The following CCDC175 variants were observed in gnomAD, a reference collection of about 807,000 sequenced individuals.
The protein encoded by CCDC175 is coiled-coil domain-containing protein 175.
CCDC175 carries 100 observed loss-of-function variants against 114.6 expected under a neutral mutation model. The observed-to-expected ratio is 0.87, with a 90% CI of 0.74 to 1.03. The LOEUF (loss-of-function observed/expected upper bound fraction) is 1.03, where lower values mean the gene tolerates loss of function less well. CCDC175 is among the 50% of genes least tolerant of loss of function. The probability of loss-of-function intolerance (pLI) is 0.00; values close to 1 mark genes in which losing one functional copy is unlikely to be tolerated. For synonymous variants in CCDC175, 306 were observed against 308.7 expected (o/e 0.99, Z 0.09); for missense variants, 880 against 917.8 (o/e 0.96, Z 0.53).
chr14:59,562,955 T>A (rs1280658985), intron 6 of CCDC175, among the ~76,000 whole-genome samples: 1 of 152,210 alleles, frequency 6.6e-6, no homozygotes, highest in Non-Finnish European at 1.5e-5. Flanking sequence ...TATATTGTAA[T>A]TAAAATGAGC....
At chr14:59,553,555 AC>A (rs1458844137) in intron 7 of CCDC175, among the ~76,000 whole-genome samples, 4 of 152,232 alleles carry the variant, frequency 2.6e-5, no homozygotes, top group Non-Finnish European at 4.4e-5. Context: ...AACTGCATCA[AC>A]TAACGAGCAA....
intron 17 of CCDC175, among the ~76,000 whole-genome samples, chr14:59,512,380 C>T (rs1009360389): frequency 1.9e-4 from 29 of 152,306 alleles, no homozygotes; most frequent in African/African-American, 6.0e-4. Context: ...ACCATCTTCC[C>T]GCCCCATAAG....
chr14:59,531,756 A>G lies in CCDC175; in HGVS notation c.1762+16T>C. ...TACCTGGGATTGAGTTTAATTACTA[A>G]ATGCTTCATATGTACCTGTAATAAT... On this transcript the variant is annotated intron_variant, in intron 14 of 19. Coordinates refer to ENST00000537690, the MANE Select transcript of CCDC175 (RefSeq NM_001164399.2). The G allele has an allele frequency of 1.4e-6, 2 of 1,455,116 alleles. No individual in the cohort carries two copies. Among genetic ancestry groups the G allele is most frequent in the African/African-American group, 2.9e-5 (2 of 69,534 alleles). 90.1% of individuals were successfully genotyped at this position (1,455,116 alleles called of 1,614,324 possible). A position where few individuals can be genotyped will look rare whatever the true frequency, so the allele number is the denominator to read the frequency against.
chr14:59,533,990 A>T lies in CCDC175; in HGVS notation c.1624-2080T>A, dbSNP rs1462246308. Reference sequence around the variant, plus strand: ...GGCAACAGGGTGAGACCCCTTTTAAAAAAAAAAAAAAAAAAAGAAACGCAA... The same window carrying T: ...GGCAACAGGGTGAGACCCCTTTTAATAAAAAAAAAAAAAAAAGAAACGCAA... On this transcript the variant is annotated intron_variant, in intron 13 of 19. Coordinates refer to ENST00000537690, the MANE Select transcript of CCDC175 (RefSeq NM_001164399.2). Among the ~76,000 whole-genome samples the T allele has an allele frequency of 3.8e-4, 22 of 58,426 alleles. 1 individual carries two copies. The South Asian group carries it at 0.011, about 29-fold the overall frequency. 38.3% of individuals were successfully genotyped at this position (58,426 alleles called of 152,430 possible).
intron 19 of CCDC175, among the ~76,000 whole-genome samples, chr14:59,506,610 C>T (rs973079584): frequency 3.3e-5 from 5 of 152,118 alleles, no homozygotes; most frequent in Non-Finnish European, 5.9e-5. Context: ...TTTTTAAAAT[C>T]TCCAGGTGAT....
rs78584090 is a variant in CCDC175, at chr14:59,536,257, C to T, written c.1623+1766G>A. On this transcript the variant is annotated intron_variant, in intron 13 of 19. Coordinates refer to ENST00000537690, the MANE Select transcript of CCDC175 (RefSeq NM_001164399.2). The stretch of plus-strand genomic sequence containing the variant: ...CTTCCTGCCTAGCATGCCCTCTGCC[C>T]GGAGCCATCTCCTGCAGACATCTGC... Among the ~76,000 whole-genome samples the T allele has an allele frequency of 3.2e-3, 486 of 152,112 alleles. 2 individuals carry two copies. The highest frequency in any genetic ancestry group is 0.024 in the Middle Eastern group (7 of 294).
In CCDC175 at chr14:59,554,738, AAG is replaced by A. The variant is rs534821433; in HGVS notation, c.954-3304_954-3303del. ...TGCTAGCAAGACTAATAAAGAAGAAAAGAGAGAAGAATCAAATAGACGCAAGA... is the reference window on the plus strand; with the variant it reads ...TGCTAGCAAGACTAATAAAGAAGAAAAGAGAAGAATCAAATAGACGCAAGA... On this transcript the variant is annotated intron_variant, in intron 7 of 19. Coordinates refer to ENST00000537690, the MANE Select transcript of CCDC175 (RefSeq NM_001164399.2). Among the ~76,000 whole-genome samples the A allele has an allele frequency of 9.1e-3, 1,391 of 152,312 alleles. 23 individuals carry two copies. The highest frequency in any genetic ancestry group is 0.031 in the African/African-American group (1,268 of 41,558).
intron 7 of CCDC175, among the ~76,000 whole-genome samples, chr14:59,559,308 C>T (rs2140099498): frequency 6.6e-6 from 1 of 152,254 alleles, no homozygotes. Context: ...TCTGTGTAAT[C>T]ACACTGGATA....
chr14:59,548,101 T>C (rs773038155), intron 8 of CCDC175, among the ~76,000 whole-genome samples: 8 of 152,140 alleles, frequency 5.3e-5, no homozygotes, highest in Non-Finnish European at 1.2e-4. Context: ...ACATGCACAA[T>C]TGAATATATT....
At position 59,533,987 on chromosome 14, in the gene CCDC175, TA is replaced by T. The variant is rs3084296; in HGVS notation, c.1624-2078del. On this transcript the variant is annotated intron_variant, in intron 13 of 19. Transcript: ENST00000537690. ...CTGGGCAACAGGGTGAGACCCCTTTTAAAAAAAAAAAAAAAAAAAGAAACGC... is the reference window on the plus strand; with the variant it reads ...CTGGGCAACAGGGTGAGACCCCTTTTAAAAAAAAAAAAAAAAAAGAAACGC... 2.6e-3 allele frequency among the ~76,000 whole-genome samples: 353 copies of T among 133,586 alleles called. 1 individual carries two copies. Among genetic ancestry groups the T allele is most frequent in the African/African-American group, 8.1e-3 (291 of 35,864 alleles). The allele number at this position is 133,586 out of a possible 152,430, so 87.6% of individuals were successfully genotyped here.
chr14:59,524,453 A>G (rs1893619495), intron 16 of CCDC175, among the ~76,000 whole-genome samples: 1 of 152,202 alleles, frequency 6.6e-6, no homozygotes, highest in Admixed American at 6.5e-5. Context: ...GTCACTTCAC[A>G]AAAAAAGGAT....
intron 8 of CCDC175, among the ~76,000 whole-genome samples, chr14:59,546,295 A>C (rs1378967996): frequency 1.3e-5 from 2 of 152,174 alleles, no homozygotes; most frequent in African/African-American, 2.4e-5. Flanking sequence ...GATGGGAACA[A>C]TAGACACTGG....
At chr14:59,547,726 G>A (rs1278423525) in intron 8 of CCDC175, among the ~76,000 whole-genome samples, 2 of 152,070 alleles carry the variant, frequency 1.3e-5, no homozygotes, top group African/African-American at 4.8e-5. Flanking sequence ...AATGTGAAAG[G>A]TCAAACAACA....
intron 17 of CCDC175, among the ~76,000 whole-genome samples, chr14:59,513,911 C>G (rs1219580547): frequency 6.6e-6 from 1 of 152,176 alleles, no homozygotes; most frequent in Non-Finnish European, 1.5e-5. Context: ...CTGGGAGGCA[C>G]CTCCTAGTAG....
At chr14:59,555,295 C>T (rs1364410743) in intron 7 of CCDC175, among the ~76,000 whole-genome samples, 1 of 152,164 alleles carries the variant, frequency 6.6e-6, no homozygotes, top group Non-Finnish European at 1.5e-5. Flanking sequence ...CCCTGGGATT[C>T]AAGGCTGGTT....
rs1200594499 is a variant in CCDC175 at position 59,521,693 on chromosome 14, T to G, written c.1996-17A>C. On this transcript the variant is annotated splice_polypyrimidine_tract_variant and intron_variant, in intron 16 of 19. Coordinates refer to ENST00000537690, the MANE Select transcript of CCDC175 (RefSeq NM_001164399.2). ...TAAAATATACTGAAAATTAAAAGCATGTGATTGCTTTTAGCAGTTTAGTTA... is the reference window on the plus strand; with the variant it reads ...TAAAATATACTGAAAATTAAAAGCAGGTGATTGCTTTTAGCAGTTTAGTTA... 1.5e-6 allele frequency: 2 copies of G among 1,330,460 alleles called. No homozygotes were observed. Among genetic ancestry groups the G allele is most frequent in the Non-Finnish European group, 2.1e-6 (2 of 959,854 alleles). 82.4% of individuals were successfully genotyped at this position (1,330,460 alleles called of 1,614,324 possible).
In CCDC175 at chr14:59,510,742, T is replaced by C; in HGVS notation, c.2209A>G (p.Arg737Gly). 3.9e-6 allele frequency: 6 copies of C among 1,537,364 alleles called. No individual in the cohort carries two copies. Among genetic ancestry groups the C allele is most frequent in the Non-Finnish European group, 5.2e-6 (6 of 1,146,894 alleles). ...CTGACATGCTGCATTTTTTCATCTCTTTCACGCAGCTTGTCTGTTAGATTG... is the reference window on the plus strand; with the variant it reads ...CTGACATGCTGCATTTTTTCATCTCCTTCACGCAGCTTGTCTGTTAGATTG... ...INNLTDKLRE[R>G]DEKMQHVSTW... Residue 737 changes from arginine (R) to glycine (G), a missense_variant, in exon 19 of 20, where the codon AGA becomes GGA. Arg to Gly is a moderately radical substitution (Grantham distance 125, BLOSUM62 -2). Coordinates refer to ENST00000537690, the MANE Select transcript of CCDC175 (RefSeq NM_001164399.2).
Position 59,527,111 on chromosome 14 carries a change from C to T in CCDC175, c.1826G>A (p.Arg609Lys), listed in dbSNP as rs1227383706. The T allele has an allele frequency of 4.1e-6, 6 of 1,473,450 alleles. No individual in the cohort carries two copies. The highest frequency in any genetic ancestry group is 3.6e-6 in the Non-Finnish European group (4 of 1,110,926). 91.3% of individuals were successfully genotyped at this position (1,473,450 alleles called of 1,614,324 possible). The change falls in exon 15 of 20, where the codon AGA (arginine) becomes AAA (lysine). Residue 609 changes from arginine to lysine, a missense_variant. Transcript: ENST00000537690. Reference sequence around the variant, plus strand: ...ATCTTTTACCATGTTGCTAATGTATCTTGAAAAGTCCCTTGTAAACAGAAA... The same window carrying T: ...ATCTTTTACCATGTTGCTAATGTATTTTGAAAAGTCCCTTGTAAACAGAAA... ...HIFLFTRDFS[R>K]YISNMEDVKQ...
chr14:59,505,344 T>A (rs1892282254), intron 19 of CCDC175, 29 bp from the exon 20 acceptor site: 2 of 1,298,564 alleles, frequency 1.5e-6, no homozygotes, highest in Admixed American at 2.4e-5. Flanking sequence ...AATATAAAAA[T>A]TTTATTTGTA....
Sources: gnomAD v4.1 joint callset for allele counts (sites outside exome capture counted in the v4.1 genomes callset) on GRCh38, gnomAD v4.1.1 for gene constraint, MANE v1.5 for transcripts, NCBI Gene and HGNC (gene_info 2026-07-23, HGNC 2026-07-21) for gene names.